Variants in CACNA1G observed in about 807,000 individuals in gnomAD.
CACNA1G encodes voltage-dependent T-type calcium channel subunit alpha-1G.
A neutral mutation model predicts 219.4 loss-of-function variants in CACNA1G; 67 were observed. The observed-to-expected ratio is 0.31, with a 90% CI of 0.25 to 0.37. CACNA1G has a LOEUF of 0.37. Ranked by LOEUF, CACNA1G falls within the 10% of genes least tolerant of loss-of-function variation. CACNA1G has a pLI of 1.00. For missense variants in CACNA1G, 2,380 were observed against 3,231.4 expected (o/e 0.74, Z 6.39); for synonymous variants, 1,296 against 1,345.3 (o/e 0.96, Z 0.80).
intron 37 of CACNA1G, 140 bp from the exon 38 acceptor site, chr17:50,625,877 G>C (rs1003745942): frequency 1.2e-6 from 1 of 852,818 alleles, no homozygotes; most frequent in African/African-American, 1.7e-5. Flanking sequence ...CTACTAGTAA[G>C]AGCGGCTACC....
Position 50,569,721 on chromosome 17 carries a change from G to T in CACNA1G, c.504G>T (p.Ser168=), listed in dbSNP as rs1485118292. 1 of 1,550,400 alleles carries T rather than the reference G, an allele frequency of 6.4e-7. No individual in the cohort carries two copies. The highest frequency in any genetic ancestry group is 8.7e-7 in the Non-Finnish European group (1 of 1,146,790). ...CTCCCTGCAGGATGCTGGAGTACTC[G>T]CTGGACCTGCAGAACGTCAGCTTCT... ...FIVIAGMLEY[S]LDLQNVSFSA... Residue 168 remains serine, a synonymous_variant, in exon 4 of 38, where the codon TCG becomes TCT. Coordinates refer to ENST00000359106, the MANE Select transcript of CACNA1G (RefSeq NM_018896.5).
At chr17:50,605,604 A>G (rs975731962) in intron 22 of CACNA1G, among the ~76,000 whole-genome samples, 1 of 151,968 alleles carries the variant, frequency 6.6e-6, no homozygotes, top group African/African-American at 2.4e-5. Flanking sequence ...GATGCTGGGG[A>G]CTCCCACTTG....
At chr17:50,577,060 G>T (rs574706949) in intron 8 of CACNA1G, among the ~76,000 whole-genome samples, 2 of 152,238 alleles carry the variant, frequency 1.3e-5, no homozygotes, top group Non-Finnish European at 2.9e-5. Flanking sequence ...CGGGATATTC[G>T]TGGGGATGTT....
Position 50,573,121 on chromosome 17 carries a change from A to G in CACNA1G, c.1140+8A>G, listed in dbSNP as rs61680572. The G allele has an allele frequency of 2.7e-4, 421 of 1,556,428 alleles. 9 individuals are homozygous for G. In the African/African-American group the frequency reaches 4.7e-3, roughly 17 times the overall value. On this transcript the variant is annotated splice_region_variant and intron_variant, in intron 7 of 37. Transcript: ENST00000359106. The stretch of plus-strand genomic sequence containing the variant: ...TTCATCCTCCTCATCATCGTGAGTG[A>G]CTCCTCAGATCCCCGTGGGGATGGG...
rs1223036121 is a variant in CACNA1G at position 50,617,982 on chromosome 17, A to AG, written c.5226+57dup. 1.9e-5 allele frequency: 31 copies of AG among 1,612,288 alleles called. No individual in the cohort carries two copies. Among genetic ancestry groups the AG allele is most frequent in the Non-Finnish European group, 2.6e-5 (31 of 1,178,492 alleles). On this transcript the variant is annotated intron_variant, in intron 30 of 37. Coordinates refer to ENST00000359106, the MANE Select transcript of CACNA1G (RefSeq NM_018896.5). The surrounding 1 kb of genome is among the most constrained non-coding windows in gnomAD (Gnocchi z 5.8). ...GAGGGGGAGGTGCTTTCCAGAGGGA[A>AG]GGGGCTCAGAGAAGCTGACTGGGAG... is the stretch of plus-strand genomic sequence containing the variant.
At position 50,575,944 on chromosome 17, in the gene CACNA1G, C is replaced by T. The variant is rs922409811; in HGVS notation, c.1542C>T (p.Ala514=). Residue 514 remains alanine (A), a synonymous_variant, in exon 8 of 38, where the codon GCC becomes GCT. Coordinates refer to ENST00000359106, the MANE Select transcript of CACNA1G (RefSeq NM_018896.5). ...HYHLGNGTLR[A]PRASPEIQDR... is the part of the protein sequence containing the mutation. ...ACCTGGGCAATGGGACGCTCAGGGC[C>T]CCCCGGGCCAGCCCGGAGATCCAGG... The T allele has an allele frequency of 3.2e-5, 50 of 1,553,356 alleles. No individual in the cohort carries two copies. In the Admixed American group the frequency reaches 7.2e-4, roughly 22 times the overall value.
intron 34 of CACNA1G, among the ~76,000 whole-genome samples, chr17:50,620,332 A>C (rs1225475981): frequency 3.3e-5 from 5 of 152,122 alleles, no homozygotes; most frequent in Non-Finnish European, 7.4e-5. Context: ...GGGCATGGTG[A>C]GTGCTGTCAG....
At chr17:50,616,707 A>G (rs1178161566) in intron 28 of CACNA1G, among the ~76,000 whole-genome samples, 1 of 152,196 alleles carries the variant, frequency 6.6e-6, no homozygotes, top group Admixed American at 6.5e-5. Flanking sequence ...TGGTCTCACC[A>G]CTTAGTAGCT....
chr17:50,581,273 A>G (rs1187382806), intron 9 of CACNA1G, among the ~76,000 whole-genome samples: 2 of 151,900 alleles, frequency 1.3e-5, no homozygotes, highest in East Asian at 1.9e-4. Flanking sequence ...AAATGAGGGC[A>G]GAGACGGGGT....
rs757332369 is a variant in CACNA1G, at chr17:50,573,104, C to A, written c.1131C>A (p.Leu377=). 6.4e-7 allele frequency: 1 copy of A among 1,568,094 alleles called. No homozygotes were observed. The highest frequency in any genetic ancestry group is 8.7e-7 in the Non-Finnish European group (1 of 1,155,072). Residue 377 remains leucine (L), a synonymous_variant, in exon 7 of 38, where the codon CTC becomes CTA. Transcript: ENST00000359106. ...TCTACAATTTCATCTACTTCATCCT[C>A]CTCATCATCGTGAGTGACTCCTCAG... The part of the protein sequence containing the change: ...HSFYNFIYFI[L]LIIVGSFFMI...
Position 50,621,976 on chromosome 17 carries a change from G to A in CACNA1G, c.6060+182G>A, listed in dbSNP as rs1207212336. 1.3e-5 allele frequency among the ~76,000 whole-genome samples: 2 copies of A among 152,130 alleles called. No individual in the cohort carries two copies. The highest frequency in any genetic ancestry group is 4.8e-5 in the African/African-American group (2 of 41,420). Reference sequence around the variant, plus strand: ...CGCTTTGCTGGCACAAGGTCTTCAGGTTCCCCACTGGGGACAAAGAGATTA... The same window carrying A: ...CGCTTTGCTGGCACAAGGTCTTCAGATTCCCCACTGGGGACAAAGAGATTA... On this transcript the variant is annotated intron_variant, in intron 35 of 37. Transcript: ENST00000359106. The surrounding 1 kb of genome is among the most constrained non-coding windows in gnomAD (Gnocchi z 4.6).
intron 1 of CACNA1G, among the ~76,000 whole-genome samples, chr17:50,562,817 G>A (rs910389046): frequency 6.6e-6 from 1 of 152,202 alleles, no homozygotes; most frequent in Non-Finnish European, 1.5e-5. Flanking sequence ...ATTTAGCACT[G>A]CTCCCTGTCT....
intron 26 of CACNA1G, among the ~76,000 whole-genome samples, chr17:50,613,211 C>G (rs2049633954): frequency 6.6e-6 from 1 of 152,212 alleles, no homozygotes; most frequent in South Asian, 2.1e-4. Flanking sequence ...TGGCTTCATT[C>G]TCTCCCTCTG....
At chr17:50,581,097 G>C (rs1222077523) in intron 9 of CACNA1G, among the ~76,000 whole-genome samples, 1 of 151,388 alleles carries the variant, frequency 6.6e-6, no homozygotes, top group Non-Finnish European at 1.5e-5. Flanking sequence ...GCAAGATGGA[G>C]ACGGGGGAGG....
rs779436712 is a variant in CACNA1G at position 50,618,011 on chromosome 17, C to A, written c.5227-37C>A. 2.5e-6 allele frequency: 4 copies of A among 1,612,776 alleles called. No homozygotes were observed. The highest frequency in any genetic ancestry group is 3.4e-6 in the Non-Finnish European group (4 of 1,178,910). ...GCTCAGAGAAGCTGACTGGGAGACC[C>A]AGCGGCATCGTTTCTATTTCTTCTC... On this transcript the variant is annotated intron_variant, in intron 30 of 37. Transcript: ENST00000359106. The surrounding 1 kb of genome is among the most constrained non-coding windows in gnomAD (Gnocchi z 5.3).
In CACNA1G at chr17:50,627,442, T is replaced by C. The variant is rs1340042830; in HGVS notation, c.*691T>C. On this transcript the variant is annotated 3_prime_UTR_variant, in exon 38 of 38. Coordinates refer to ENST00000359106, the MANE Select transcript of CACNA1G (RefSeq NM_018896.5). ...ACATATCTATCTATCTATCTATATA[T>C]ATATAAAATAAAGTAATTTTCCTAA... 1 of 207,666 alleles carries C rather than the reference T, an allele frequency of 4.8e-6. No homozygotes were observed. The highest frequency in any genetic ancestry group is 9.6e-6 in the Non-Finnish European group (1 of 104,638). The allele number at this position is 207,666 out of a possible 1,614,324, so 12.9% of individuals were successfully genotyped here.
At chr17:50,588,968 T>C (rs1008065669) in intron 9 of CACNA1G, among the ~76,000 whole-genome samples, 1 of 152,166 alleles carries the variant, frequency 6.6e-6, no homozygotes, top group African/African-American at 2.4e-5. Context: ...GCAGGCTTGG[T>C]TGGGCAGCTG....
At position 50,567,052 on chromosome 17, in the gene CACNA1G, T is replaced by A. The variant is rs1313817282; in HGVS notation, c.243-1818T>A. Among the ~76,000 whole-genome samples, 4 of 152,344 alleles carry A rather than the reference T, an allele frequency of 2.6e-5. No individual in the cohort carries two copies. The East Asian group carries it at 7.7e-4, about 29-fold the overall frequency. On this transcript the variant is annotated intron_variant, in intron 1 of 37. Coordinates refer to ENST00000359106, the MANE Select transcript of CACNA1G (RefSeq NM_018896.5). Reference sequence around the variant, plus strand: ...AAGCAGACCAGTTCTTGAGGGTAACTGTGTCTTTCCCTTTCCAAATGATGG... The same window carrying A: ...AAGCAGACCAGTTCTTGAGGGTAACAGTGTCTTTCCCTTTCCAAATGATGG...
At chr17:50,582,067 C>G (rs1406997834) in intron 9 of CACNA1G, among the ~76,000 whole-genome samples, 1 of 152,252 alleles carries the variant, frequency 6.6e-6, no homozygotes, top group Non-Finnish European at 1.5e-5. Context: ...CAGTGAGAAA[C>G]AGCTCCAGCA....
Sources: gnomAD v4.1 joint callset for allele counts (sites outside exome capture counted in the v4.1 genomes callset) on GRCh38, gnomAD v4.1.1 for gene constraint, Gnocchi (gnomAD v3.1) non-coding constraint, MANE v1.5 for transcripts, NCBI Gene and HGNC (gene_info 2026-07-23, HGNC 2026-07-21) for gene names.